Variants in TMOD2 observed in about 807,000 individuals in gnomAD.
TMOD2 encodes tropomodulin-2.
In TMOD2, 22 loss-of-function variants were observed where a neutral mutation model predicts 39.9. The observed-to-expected ratio is 0.55, with a 90% CI of 0.39 to 0.79. TMOD2 has a LOEUF of 0.79. TMOD2 is among the 30% of genes least tolerant of loss of function. TMOD2 has a pLI of 0.00. For synonymous variants in TMOD2, 123 were observed against 146.1 expected (o/e 0.84, Z 1.14); for missense variants, 386 against 413.3 (o/e 0.93, Z 0.57).
At chr15:51,754,789 A>G (rs372907661) in intron 1 of TMOD2, among the ~76,000 whole-genome samples, 1 of 152,192 alleles carries the variant, frequency 6.6e-6, no homozygotes, top group East Asian at 1.9e-4. Context: ...ATCATTGTAT[A>G]TGGGGATGTA....
In TMOD2 at chr15:51,814,617, G is replaced by A. The variant is rs2056177035; in HGVS notation, c.*6163G>A. The stretch of plus-strand genomic sequence containing the variant: ...AGAGTTATGCTCCATTTGCCACCAT[G>A]TGATATTTTTGAGAAACAATAGTGA... On this transcript the variant is annotated 3_prime_UTR_variant, in exon 10 of 10. Coordinates refer to ENST00000249700, the MANE Select transcript of TMOD2 (RefSeq NM_014548.4). 1 of 152,206 alleles carries A rather than the reference G, an allele frequency of 6.6e-6. No homozygotes were observed. Among genetic ancestry groups the A allele is most frequent in the African/African-American group, 2.4e-5 (1 of 41,446 alleles). 9.4% of individuals were successfully genotyped at this position (152,206 alleles called of 1,614,324 possible).
intron 7 of TMOD2, among the ~76,000 whole-genome samples, chr15:51,785,613 TA>T (rs202237487): frequency 2.0e-5 from 3 of 149,936 alleles, no homozygotes; most frequent in East Asian, 3.9e-4. Flanking sequence ...ATGTAGGAGC[TA>T]AAAAAAAAGT....
At chr15:51,795,568 TGC>T (rs1491358231) in intron 7 of TMOD2, among the ~76,000 whole-genome samples, 4,150 of 29,952 alleles carry the variant, frequency 0.14, 387 homozygotes, top group African/African-American at 0.37. Context: ...CTCTTCTGCT[TGC>T]TTGCTTGCTT....
intron 1 of TMOD2, among the ~76,000 whole-genome samples, chr15:51,760,368 C>G (rs1220357572): frequency 6.6e-6 from 1 of 152,204 alleles, no homozygotes; most frequent in African/African-American, 2.4e-5. Flanking sequence ...GCCCACATCC[C>G]TTGGCTCATG....
chr15:51,795,577 GCTTTCTTT>G (rs202116010), intron 7 of TMOD2, among the ~76,000 whole-genome samples: 2,775 of 41,500 alleles, frequency 0.067, 55 homozygotes, highest in Middle Eastern at 0.16. Context: ...TTGCTTGCTT[GCTTTCTTT>G]CTTTCTTTCT....
intron 7 of TMOD2, among the ~76,000 whole-genome samples, chr15:51,789,940 A>G (rs981662674): frequency 4.6e-5 from 7 of 152,342 alleles, no homozygotes; most frequent in East Asian, 1.9e-4. Context: ...TAACATCACA[A>G]TTAAAAGAAC....
chr15:51,798,234 C>T lies in TMOD2; in HGVS notation c.770C>T (p.Thr257Ile). ...ATGCTGAAAGTAAACAAGACCTTGA[C>T]AAGTCTAAACATAGAATCCAATTTT... ...ADMLKVNKTL[T>I]SLNIESNFIT... Residue 257 changes from threonine (T) to isoleucine (I), a missense_variant, in exon 8 of 10, where the codon ACA (threonine) becomes ATA (isoleucine). Physicochemically the swap from Thr to Ile is moderately conservative, Grantham distance 89. Coordinates refer to ENST00000249700, the MANE Select transcript of TMOD2 (RefSeq NM_014548.4). The T allele has an allele frequency of 6.2e-7, 1 of 1,612,340 alleles. No individual in the cohort carries two copies.
intron 8 of TMOD2, among the ~76,000 whole-genome samples, chr15:51,799,678 C>A (rs1176760600): frequency 2.0e-5 from 3 of 152,158 alleles, no homozygotes; most frequent in Non-Finnish European, 2.9e-5. Flanking sequence ...TGCTGTGTAT[C>A]CTAGCATATG....
intron 3 of TMOD2, among the ~76,000 whole-genome samples, chr15:51,769,233 C>G (rs2055837355): frequency 6.6e-6 from 1 of 152,186 alleles, no homozygotes; most frequent in African/African-American, 2.4e-5. Flanking sequence ...GGTGTCATGC[C>G]TGAGAGTTTC....
At chr15:51,785,288 T>A (rs1250653471) in intron 7 of TMOD2, among the ~76,000 whole-genome samples, 1 of 151,716 alleles carries the variant, frequency 6.6e-6, no homozygotes, top group African/African-American at 2.4e-5. Context: ...GGCGGGCGCC[T>A]GTAGTCCCAG....
At chr15:51,762,894 C>T (rs572635667) in intron 1 of TMOD2, among the ~76,000 whole-genome samples, 37 of 152,206 alleles carry the variant, frequency 2.4e-4, no homozygotes, top group African/African-American at 8.9e-4. Flanking sequence ...CCTTTTATTG[C>T]TGAGAAGTAT....
intron 7 of TMOD2, among the ~76,000 whole-genome samples, chr15:51,795,568 TGCTTGCTTG>T (rs1029305471): frequency 1.0e-4 from 3 of 29,958 alleles, no homozygotes; most frequent in African/African-American, 3.3e-4. Context: ...CTCTTCTGCT[TGCTTGCTTG>T]CTTTCTTTCT....
intron 8 of TMOD2, among the ~76,000 whole-genome samples, chr15:51,802,025 A>G (rs941244489): frequency 2.0e-5 from 3 of 151,584 alleles, no homozygotes; most frequent in Non-Finnish European, 4.4e-5. Context: ...TGTATATCCA[A>G]ATTATAAGAA....
intron 7 of TMOD2, among the ~76,000 whole-genome samples, chr15:51,787,665 G>C (rs758146745): frequency 6.6e-6 from 1 of 152,310 alleles, no homozygotes; most frequent in South Asian, 2.1e-4. Context: ...GGAGGGATCA[G>C]ACAGCAATAT....
Position 51,808,606 on chromosome 15 carries a change from C to A in TMOD2, c.*152C>A. 2.0e-6 allele frequency: 1 copy of A among 505,348 alleles called. No homozygotes were observed. Among genetic ancestry groups the A allele is most frequent in the South Asian group, 4.0e-5 (1 of 24,854 alleles). 31.3% of individuals were successfully genotyped at this position (505,348 alleles called of 1,614,324 possible). On this transcript the variant is annotated 3_prime_UTR_variant, in exon 10 of 10. Transcript: ENST00000249700. ...TAATTGTTATTCTTTTTTAGCACTACTTATTTATCTTGGATTTTGTAATAT... is the reference window on the plus strand; with the variant it reads ...TAATTGTTATTCTTTTTTAGCACTAATTATTTATCTTGGATTTTGTAATAT...
At chr15:51,754,568 T>A (rs1189325493) in intron 1 of TMOD2, among the ~76,000 whole-genome samples, 2 of 152,252 alleles carry the variant, frequency 1.3e-5, no homozygotes, top group African/African-American at 2.4e-5. Flanking sequence ...TGTGTTTATG[T>A]ATACATGAAA....
rs543968878 is a variant in TMOD2 at position 51,793,745 on chromosome 15, G to A, written c.733-4452G>A. ...AGAAAGTGTTTTCTCAAGTTTAAAA[G>A]AAATTGGCAAGATCCTGGCAACTCG... On this transcript the variant is annotated intron_variant, in intron 7 of 9. Coordinates refer to ENST00000249700, the MANE Select transcript of TMOD2 (RefSeq NM_014548.4). 6.6e-5 allele frequency among the ~76,000 whole-genome samples: 10 copies of A among 152,302 alleles called. No homozygotes were observed. The East Asian group carries it at 1.9e-3, about 29-fold the overall frequency.
chr15:51,755,137 A>G lies in TMOD2; in HGVS notation c.-70+3425A>G, dbSNP rs560916297. Among the ~76,000 whole-genome samples the G allele has an allele frequency of 3.9e-5, 6 of 152,298 alleles. No individual in the cohort carries two copies. The East Asian group carries it at 7.7e-4, about 20-fold the overall frequency. ...AGTCCTTTGTTGTATACTATGAACC[A>G]TTTTTATTTTCAGCACACCAAAAAG... On this transcript the variant is annotated intron_variant, in intron 1 of 9. Coordinates refer to ENST00000249700, the MANE Select transcript of TMOD2 (RefSeq NM_014548.4).
At position 51,813,943 on chromosome 15, in the gene TMOD2, G is replaced by C. The variant is rs982068537; in HGVS notation, c.*5489G>C. 3 of 152,176 alleles carry C rather than the reference G, an allele frequency of 2.0e-5. No homozygotes were observed. The highest frequency in any genetic ancestry group is 7.2e-5 in the African/African-American group (3 of 41,422). 9.4% of individuals were successfully genotyped at this position (152,176 alleles called of 1,614,324 possible). A position where few individuals can be genotyped will look rare whatever the true frequency, so the allele number is the denominator to read the frequency against. On this transcript the variant is annotated 3_prime_UTR_variant, in exon 10 of 10. Coordinates refer to ENST00000249700, the MANE Select transcript of TMOD2 (RefSeq NM_014548.4). ...ACATCTTTCTCATCTTTTGGAGTAT[G>C]GGTAATTGAGGCTTGGGTGTGTCAT...
Sources: gnomAD v4.1 joint callset for allele counts (sites outside exome capture counted in the v4.1 genomes callset) on GRCh38, gnomAD v4.1.1 for gene constraint, MANE v1.5 for transcripts, NCBI Gene and HGNC (gene_info 2026-07-23, HGNC 2026-07-21) for gene names.